HNRNPA1: variants seen among roughly 807,000 people sequenced by gnomAD.
HNRNPA1 encodes the protein epididymis secretory sperm binding protein.
A neutral mutation model predicts 44.4 loss-of-function variants in HNRNPA1; 7 were observed. That is an observed-to-expected ratio of 0.16 (90% confidence interval 0.09 to 0.30). HNRNPA1 has a LOEUF of 0.30. HNRNPA1 is among the 10% of genes least tolerant of loss of function. The pLI is 1.00. For missense variants in HNRNPA1, 193 were observed against 465.8 expected, an observed-to-expected ratio of 0.41 and a Z score of 5.39; for synonymous variants, 169 against 160.6, an observed-to-expected ratio of 1.05 and a Z score of -0.40.
At position 54,285,279 on chromosome 12, in the gene HNRNPA1, A is replaced by G. The variant is rs1248462515; in HGVS notation, c.*735A>G. 6.6e-6 allele frequency: 1 copy of G among 152,340 alleles called. No homozygotes were observed. The highest frequency in any genetic ancestry group is 1.5e-5 in the Non-Finnish European group (1 of 68,094). 9.4% of individuals were successfully genotyped at this position (152,340 alleles called of 1,614,324 possible). ...ACAACTGTATGGATTTGGGACTGGC[A>G]GAGATTTGGACTTTCCCTACCCACT... On this transcript the variant is annotated 3_prime_UTR_variant, in exon 11 of 11. Coordinates refer to ENST00000340913, the MANE Select transcript of HNRNPA1 (RefSeq NM_031157.4).
Position 54,282,971 on chromosome 12 carries a change from A to G in HNRNPA1, c.751+97A>G, listed in dbSNP as rs549722940. 2.8e-5 allele frequency: 42 copies of G among 1,489,972 alleles called. No individual in the cohort carries two copies. The African/African-American group carries it at 5.0e-4, about 18-fold the overall frequency. 92.3% of individuals were successfully genotyped at this position (1,489,972 alleles called of 1,614,324 possible). On this transcript the variant is annotated intron_variant, in intron 7 of 10. Coordinates refer to ENST00000340913, the MANE Select transcript of HNRNPA1 (RefSeq NM_031157.4). ...AAAATTCTGGTGCATGTCAAACTCA[A>G]CTTTGCCCATAACACGCATGCTGTG...
chr12:54,280,776 G>A lies in HNRNPA1; in HGVS notation c.-32G>A, dbSNP rs545965220. ...TCTGCCCGTGGACGCCGCCGAAGAAGCATCGTTAAAGTCTCTCTTCACCCT... is the reference window on the plus strand; with the variant it reads ...TCTGCCCGTGGACGCCGCCGAAGAAACATCGTTAAAGTCTCTCTTCACCCT... On this transcript the variant is annotated 5_prime_UTR_variant, in exon 1 of 11. Coordinates refer to ENST00000340913, the MANE Select transcript of HNRNPA1 (RefSeq NM_031157.4). 10 of 1,614,018 alleles carry A rather than the reference G, an allele frequency of 6.2e-6. No homozygotes were observed. In the South Asian group the frequency reaches 9.9e-5, roughly 16 times the overall value.
At chr12:54,284,021 C>T (rs1239818294) in intron 9 of HNRNPA1, 54 bp downstream of exon 9, 10 of 1,584,310 alleles carry the variant, frequency 6.3e-6, no homozygotes, top group Non-Finnish European at 8.6e-6. Flanking sequence ...GTAGCTACTG[C>T]TGGGAAGAAA....
chr12:54,283,972 G>A lies in HNRNPA1; in HGVS notation c.1063+5G>A. On this transcript the variant is annotated splice_donor_5th_base_variant and intron_variant, in intron 9 of 10. Transcript: ENST00000340913. The stretch of plus-strand genomic sequence containing the variant: ...TTGCAAAACCACGAAACCAAGGTAT[G>A]GTATCTATGTAATTTTGGATAATGT... 6.2e-7 allele frequency: 1 copy of A among 1,604,608 alleles called. No individual in the cohort carries two copies. The highest frequency in any genetic ancestry group is 1.1e-5 in the South Asian group (1 of 91,054).
At chr12:54,283,044 CT>C in intron 7 of HNRNPA1, 34 bp from the exon 8 acceptor site, 2 of 1,606,716 alleles carry the variant, frequency 1.2e-6, no homozygotes, top group South Asian at 2.2e-5. Flanking sequence ...TTGTCAAATA[CT>C]TTTGTCTTAT....
In HNRNPA1 at chr12:54,283,839, A is replaced by G. The variant is rs184736365; in HGVS notation, c.935A>G (p.Tyr312Cys). The part of the protein sequence containing the change: ...SGSNFGGGGS[Y>C]NDFGNYNNQS... ...AGCAATTTTGGAGGTGGTGGAAGCT[A>G]CAATGATTTTGGGAATTACAACAAT... The change falls in exon 9 of 11, where the codon TAC (tyrosine) becomes TGC (cysteine). Residue 312 changes from tyrosine (Y) to cysteine (C), a missense_variant. Tyr to Cys is a radical substitution (Grantham distance 194). Coordinates refer to ENST00000340913, the MANE Select transcript of HNRNPA1 (RefSeq NM_031157.4). The G allele has an allele frequency of 1.2e-6, 2 of 1,613,986 alleles. No individual in the cohort carries two copies. The highest frequency in any genetic ancestry group is 1.7e-6 in the Non-Finnish European group (2 of 1,179,928).
Position 54,281,958 on chromosome 12 carries a change from T to C in HNRNPA1, c.279+17T>C, listed in dbSNP as rs1311555307. The C allele has an allele frequency of 4.4e-6, 7 of 1,607,114 alleles. No homozygotes were observed. Among genetic ancestry groups the C allele is most frequent in the African/African-American group, 1.3e-5 (1 of 74,694 alleles). ...TCCAGAGAAGTGAGTGGGTTTTTTT[T>C]CTTCTTCTTCTTAAACTTACTTGGA... is the stretch of plus-strand genomic sequence containing the variant. On this transcript the variant is annotated intron_variant, in intron 3 of 10. Coordinates refer to ENST00000340913, the MANE Select transcript of HNRNPA1 (RefSeq NM_031157.4).
At position 54,282,559 on chromosome 12, in the gene HNRNPA1, C is replaced by G; in HGVS notation, c.584-14C>G. 6.2e-7 allele frequency: 1 copy of G among 1,613,336 alleles called. No individual in the cohort carries two copies. The highest frequency in any genetic ancestry group is 8.5e-7 in the Non-Finnish European group (1 of 1,179,386). ...CAGTATGAATGATTTAATGCTTAAA[C>G]TTCATGTCTTAAGGTCGAAGTGGTT... is the stretch of plus-strand genomic sequence containing the variant. On this transcript the variant is annotated splice_polypyrimidine_tract_variant and intron_variant, in intron 5 of 10. Transcript: ENST00000340913.
chr12:54,283,475 T>G (rs1482147246), intron 8 of HNRNPA1, among the ~76,000 whole-genome samples: 1 of 152,212 alleles, frequency 6.6e-6, no homozygotes, highest in Non-Finnish European at 1.5e-5. Flanking sequence ...GTATTTTAAC[T>G]CCTTTGGGAC....
At chr12:54,281,723 C>A in intron 2 of HNRNPA1, 72 bp from the exon 3 acceptor site, 1 of 1,469,004 alleles carries the variant, frequency 6.8e-7, no homozygotes, top group Non-Finnish European at 9.3e-7. Context: ...TTCCTATTGC[C>A]CTATTCAAAG....
At chr12:54,283,262 G>GA in intron 8 of HNRNPA1, 28 bp downstream of exon 8, 4 of 1,607,578 alleles carry the variant, frequency 2.5e-6, no homozygotes, top group Non-Finnish European at 3.4e-6. Flanking sequence ...CAAGTACTTG[G>GA]TGTGACAGCT....
chr12:54,282,647 G>A lies in HNRNPA1; in HGVS notation c.658G>A (p.Gly220Arg). 6.2e-7 allele frequency: 1 copy of A among 1,613,680 alleles called. No homozygotes were observed. The highest frequency in any genetic ancestry group is 8.5e-7 in the Non-Finnish European group (1 of 1,179,688). Reference protein sequence around the residue: ...FGGNDNFGRGGNFSGRGGFGG... With the variant: ...FGGNDNFGRGRNFSGRGGFGG... ...TGGGAATGACAACTTCGGTCGTGGA[G>A]GAAACTTCAGTGGTCGTGGTATGTA... The change falls in exon 6 of 11, where the codon GGA becomes AGA. Residue 220 changes from glycine to arginine, a missense_variant. Gly to Arg is a moderately radical substitution (Grantham distance 125). Coordinates refer to ENST00000340913, the MANE Select transcript of HNRNPA1 (RefSeq NM_031157.4).
chr12:54,281,533 C>A, intron 2 of HNRNPA1, 31 bp downstream of exon 2: 1 of 1,457,882 alleles, frequency 6.9e-7, no homozygotes, highest in Non-Finnish European at 9.6e-7. Flanking sequence ...AGCAGTAAAA[C>A]AGCCGATTTC....
In HNRNPA1 at chr12:54,281,049, A is replaced by C. The variant is rs555887521; in HGVS notation, c.15+227A>C. 18 of 707,574 alleles carry C rather than the reference A, an allele frequency of 2.5e-5. No homozygotes were observed. In the African/African-American group the frequency reaches 3.0e-4, roughly 12 times the overall value. The allele number at this position is 707,574 out of a possible 1,614,324, so 43.8% of individuals were successfully genotyped here. Reference sequence around the variant, plus strand: ...TGCGGGACTCGTTACTCGTAGCAAAATTCTTAGGCACACAGGATCTTTGTC... The same window carrying C: ...TGCGGGACTCGTTACTCGTAGCAAACTTCTTAGGCACACAGGATCTTTGTC... On this transcript the variant is annotated intron_variant, in intron 1 of 10. Transcript: ENST00000340913.
Position 54,286,509 on chromosome 12 carries a change from C to T in HNRNPA1, c.*1965C>T, listed in dbSNP as rs1037021490. ...AAATTTTTGCCCTTTTATTTATCTT[C>T]CTTTGACCCATTTCCTTAAAATAAT... On this transcript the variant is annotated 3_prime_UTR_variant, in exon 11 of 11. Coordinates refer to ENST00000340913, the MANE Select transcript of HNRNPA1 (RefSeq NM_031157.4). The T allele has an allele frequency of 5.3e-5, 8 of 152,042 alleles. No homozygotes were observed. Among genetic ancestry groups the T allele is most frequent in the African/African-American group, 1.4e-4 (6 of 41,384 alleles). 9.4% of individuals were successfully genotyped at this position (152,042 alleles called of 1,614,324 possible).
chr12:54,285,011 G>C lies in HNRNPA1; in HGVS notation c.*467G>C, dbSNP rs1048199361. ...ATATACAACCTGCTTGGGTGGAGAA[G>C]CCATTGTCTTCGGAAACCTTGGTGT... On this transcript the variant is annotated 3_prime_UTR_variant, in exon 11 of 11. Coordinates refer to ENST00000340913, the MANE Select transcript of HNRNPA1 (RefSeq NM_031157.4). 13 of 194,874 alleles carry C rather than the reference G, an allele frequency of 6.7e-5. No individual in the cohort carries two copies. Among genetic ancestry groups the C allele is most frequent in the Admixed American group, 1.1e-4 (2 of 18,218 alleles). The allele number at this position is 194,874 out of a possible 1,614,324, so 12.1% of individuals were successfully genotyped here. A position where few individuals can be genotyped will look rare whatever the true frequency, so the allele number is the denominator to read the frequency against.
Position 54,281,520 on chromosome 12 carries a change from C to A in HNRNPA1, c.132+18C>A. 1 of 1,553,466 alleles carries A rather than the reference C, an allele frequency of 6.4e-7. No homozygotes were observed. Among genetic ancestry groups the A allele is most frequent in the Non-Finnish European group, 8.9e-7 (1 of 1,128,892 alleles). ...ACTGTGTGGTAAGATTTGGAAGGGA[C>A]AAAGCAGTAAAACAGCCGATTTCCT... On this transcript the variant is annotated intron_variant, in intron 2 of 10. Transcript: ENST00000340913.
At chr12:54,281,610 G>C in intron 2 of HNRNPA1, 108 bp downstream of exon 2, 3 of 1,017,076 alleles carry the variant, frequency 2.9e-6, no homozygotes, top group Non-Finnish European at 3.0e-6. Context: ...TATAGTTAGA[G>C]CTTTGTTGGC....
intron 7 of HNRNPA1, 65 bp downstream of exon 7, chr12:54,282,939 A>G (rs540897709): frequency 2.3e-5 from 35 of 1,493,674 alleles, no homozygotes; most frequent in Non-Finnish European, 3.2e-5. Flanking sequence ...ATAGGTTAGT[A>G]GAGACTAAAA....
Sources: allele counts gnomAD v4.1 joint callset (sites outside exome capture counted in the v4.1 genomes callset), GRCh38; gene constraint gnomAD v4.1.1; transcripts MANE v1.5; gene names NCBI Gene and HGNC (gene_info 2026-07-23, HGNC 2026-07-21).